SYNDIG1: variants seen among roughly 807,000 people sequenced by gnomAD.
The protein encoded by SYNDIG1 is synapse differentiation inducing 1, also known as synapse differentiation-inducing gene protein 1.
SYNDIG1 carries 9 observed loss-of-function variants against 19.4 expected under a neutral mutation model. The ratio of observed to expected loss-of-function variants is 0.46; its 90% CI spans 0.28 to 0.81. The LOEUF is 0.81. Ranked by LOEUF, SYNDIG1 falls within the 30% of genes least tolerant of loss-of-function variation. The probability of loss-of-function intolerance (pLI) is 0.12; values close to 1 mark genes in which losing one functional copy is unlikely to be tolerated. For missense variants in SYNDIG1, 311 were observed against 343.3 expected, an observed-to-expected ratio of 0.91 and a Z score of 0.74; for synonymous variants, 141 against 145.9, an observed-to-expected ratio of 0.97 and a Z score of 0.24.
intron 1 of SYNDIG1, among the ~76,000 whole-genome samples, chr20:24,536,065 T>C (rs1395070005): frequency 6.6e-6 from 1 of 152,188 alleles, no homozygotes; most frequent in Non-Finnish European, 1.5e-5. Context: ...TTGTACAGGA[T>C]GCATCATCAG....
At chr20:24,493,078 C>T (rs1356460019) in intron 1 of SYNDIG1, among the ~76,000 whole-genome samples, 1 of 152,160 alleles carries the variant, frequency 6.6e-6, no homozygotes, top group Non-Finnish European at 1.5e-5. Flanking sequence ...TTTAGGGAAA[C>T]CTTTGAATAT....
At chr20:24,558,617 C>A (rs1038771856) in intron 2 of SYNDIG1, among the ~76,000 whole-genome samples, 2 of 152,236 alleles carry the variant, frequency 1.3e-5, no homozygotes, top group African/African-American at 4.8e-5. Flanking sequence ...TTCTCTACTT[C>A]TTCTTACTTC....
chr20:24,597,027 T>C (rs1038672029), intron 3 of SYNDIG1: 1 of 151,488 alleles, frequency 6.6e-6, no homozygotes, highest in Non-Finnish European at 1.5e-5. Context: ...GAGGGGGGAG[T>C]GCAGTACCCT....
chr20:24,529,387 G>A (rs892244913), intron 1 of SYNDIG1, among the ~76,000 whole-genome samples: 1 of 151,698 alleles, frequency 6.6e-6, no homozygotes, highest in African/African-American at 2.4e-5. Context: ...TGGAAGGGAT[G>A]ATGGCTAGGA....
At chr20:24,559,781 A>T (rs2057899900) in intron 2 of SYNDIG1, among the ~76,000 whole-genome samples, 1 of 152,154 alleles carries the variant, frequency 6.6e-6, no homozygotes, top group Non-Finnish European at 1.5e-5. Flanking sequence ...TTCACTTGTA[A>T]CATGTCACTC....
At chr20:24,596,401 T>C (rs1175989141) in intron 3 of SYNDIG1, among the ~76,000 whole-genome samples, 1 of 152,050 alleles carries the variant, frequency 6.6e-6, no homozygotes, top group Non-Finnish European at 1.5e-5. Context: ...TCTTTTGAGA[T>C]GGAGTCTCAC....
intron 3 of SYNDIG1, among the ~76,000 whole-genome samples, chr20:24,640,906 C>A (rs2059369895): frequency 1.3e-5 from 2 of 152,238 alleles, no homozygotes; most frequent in Admixed American, 6.5e-5. Flanking sequence ...TGCCTGCCAG[C>A]CTGCATGCAC....
rs60892856 is a variant in SYNDIG1, at chr20:24,560,063, C to CTTTTTTTTTTT, written c.480+16504_480+16514dup. On this transcript the variant is annotated intron_variant, in intron 2 of 3. Coordinates refer to ENST00000376862, the MANE Select transcript of SYNDIG1 (RefSeq NM_024893.3). ...TTTTTTTTAACATTTCTCTCCTCTC[C>CTTTTTTTTTTT]TTTTTTTTTTTTTTTTTTTTTTTTT... 1.3e-3 allele frequency among the ~76,000 whole-genome samples: 54 copies of CTTTTTTTTTTT among 43,048 alleles called. 22 individuals carry two copies. The highest frequency in any genetic ancestry group is 6.6e-3 in the African/African-American group (44 of 6,694). 28.2% of individuals were successfully genotyped at this position (43,048 alleles called of 152,430 possible). A position where few individuals can be genotyped will look rare whatever the true frequency, so the allele number is the denominator to read the frequency against.
At chr20:24,625,524 T>G (rs899627435) in intron 3 of SYNDIG1, among the ~76,000 whole-genome samples, 4 of 151,870 alleles carry the variant, frequency 2.6e-5, no homozygotes, top group African/African-American at 7.3e-5. Flanking sequence ...GGCAGAGTGT[T>G]TGTGTCCCTG....
chr20:24,515,936 C>T (rs1477550392), intron 1 of SYNDIG1, among the ~76,000 whole-genome samples: 3 of 152,154 alleles, frequency 2.0e-5, no homozygotes, highest in African/African-American at 7.2e-5. Context: ...TGACTTCAAA[C>T]TATACTACAA....
At chr20:24,557,198 T>C (rs892258564) in intron 2 of SYNDIG1, among the ~76,000 whole-genome samples, 2 of 152,188 alleles carry the variant, frequency 1.3e-5, no homozygotes, top group Non-Finnish European at 2.9e-5. Context: ...ATTCTAGGTA[T>C]CCATTCGTCT....
At chr20:24,657,075 G>A (rs185333028) in intron 3 of SYNDIG1, among the ~76,000 whole-genome samples, 33 of 152,150 alleles carry the variant, frequency 2.2e-4, no homozygotes, top group Admixed American at 2.2e-3. Context: ...AGGCCTCCCC[G>A]GAAGCCGAGT....
At chr20:24,661,707 GA>G (rs1291015359) in intron 3 of SYNDIG1, among the ~76,000 whole-genome samples, 2 of 152,144 alleles carry the variant, frequency 1.3e-5, no homozygotes, top group African/African-American at 4.8e-5. Flanking sequence ...GTGGGCATGA[GA>G]AGGGGAGACA....
chr20:24,661,341 AG>A (rs2059584452), intron 3 of SYNDIG1, among the ~76,000 whole-genome samples: 3 of 116,206 alleles, frequency 2.6e-5, no homozygotes, highest in African/African-American at 6.1e-5. Flanking sequence ...AGGGGGAGGA[AG>A]GAGGGAGAGA....
At chr20:24,508,707 A>C (rs2056667273) in intron 1 of SYNDIG1, among the ~76,000 whole-genome samples, 1 of 152,242 alleles carries the variant, frequency 6.6e-6, no homozygotes, top group Non-Finnish European at 1.5e-5. Flanking sequence ...ATGAGCAGGC[A>C]AAAGTTAAAA....
chr20:24,507,418 T>C (rs1309603954), intron 1 of SYNDIG1, among the ~76,000 whole-genome samples: 1 of 152,210 alleles, frequency 6.6e-6, no homozygotes, highest in Admixed American at 6.5e-5. Flanking sequence ...TACCAATTTG[T>C]CCCTGGCTGG....
At chr20:24,530,782 G>A (rs2057240274) in intron 1 of SYNDIG1, among the ~76,000 whole-genome samples, 2 of 151,260 alleles carry the variant, frequency 1.3e-5, no homozygotes, top group Admixed American at 6.6e-5. Context: ...TTTGTGGGGG[G>A]TTTTGTTTGT....
At chr20:24,579,978 T>C (rs1444612391) in intron 2 of SYNDIG1, among the ~76,000 whole-genome samples, 1 of 152,200 alleles carries the variant, frequency 6.6e-6, no homozygotes, top group Non-Finnish European at 1.5e-5. Context: ...GCCCTCTCTC[T>C]CTGTGGAGGT....
At chr20:24,552,659 A>C (rs971761763) in intron 2 of SYNDIG1, among the ~76,000 whole-genome samples, 2 of 152,146 alleles carry the variant, frequency 1.3e-5, no homozygotes, top group African/African-American at 4.8e-5. Flanking sequence ...TTATGGCTGC[A>C]TAGTATTGCA....
Sources: allele counts gnomAD v4.1 joint callset (sites outside exome capture counted in the v4.1 genomes callset), GRCh38; gene constraint gnomAD v4.1.1; transcripts MANE v1.5; gene names NCBI Gene and HGNC (gene_info 2026-07-23, HGNC 2026-07-21).